ADGRL3: variants seen among roughly 807,000 people sequenced by gnomAD.
ADGRL3 encodes adhesion G protein-coupled receptor L3.
ADGRL3 carries 62 observed loss-of-function variants against 153.5 expected under a neutral mutation model. That is an observed-to-expected ratio of 0.40 (90% CI 0.33 to 0.50). The LOEUF (loss-of-function observed/expected upper bound fraction) is 0.50. Among genes scored for constraint, ADGRL3 ranks in the 20% least tolerant of loss-of-function variants. ADGRL3 has a pLI of 0.47. For missense variants in ADGRL3, 1,641 were observed against 1,859.4 expected (o/e 0.88, Z 2.16); for synonymous variants, 710 against 672.5 (o/e 1.06, Z -0.86).
At chr4:61,208,487 G>A (rs1377989556) in intron 1 of ADGRL3, among the ~76,000 whole-genome samples, 2 of 151,936 alleles carry the variant, frequency 1.3e-5, no homozygotes, top group African/African-American at 4.8e-5. Context: ...AGAGTCCTAG[G>A]AAACTTTAAT....
chr4:61,257,847 G>A (rs1230108779), intron 1 of ADGRL3, among the ~76,000 whole-genome samples: 2 of 152,002 alleles, frequency 1.3e-5, no homozygotes, highest in African/African-American at 4.8e-5. Context: ...GTGTGTGTGT[G>A]TGTGTGTGTG....
Position 61,921,397 on chromosome 4 carries a change from C to T in ADGRL3, c.2112+8640C>T, listed in dbSNP as rs1453766747. On this transcript the variant is annotated intron_variant, in intron 13 of 26. Transcript: ENST00000683033. ...TTTCTCTCCACAGACTTTCAGCAGT[C>T]CTTTTCCAAAGCGTGATCACTGTTA... Among the ~76,000 whole-genome samples, 4 of 152,186 alleles carry T rather than the reference C, an allele frequency of 2.6e-5. No individual in the cohort carries two copies. In the East Asian group the frequency reaches 7.8e-4, roughly 30 times the overall value.
intron 8 of ADGRL3, among the ~76,000 whole-genome samples, chr4:61,748,858 A>AT (rs1226908570): frequency 6.6e-6 from 1 of 150,994 alleles, no homozygotes; most frequent in Non-Finnish European, 1.5e-5. Context: ...AAATTGACAA[A>AT]TGGGATCTAA....
chr4:61,219,800 C>G (rs192801075), intron 1 of ADGRL3, among the ~76,000 whole-genome samples: 38 of 152,258 alleles, frequency 2.5e-4, no homozygotes, highest in African/African-American at 8.2e-4. Context: ...CTTCCTGTTT[C>G]AAACCTCTGA....
intron 5 of ADGRL3, among the ~76,000 whole-genome samples, chr4:61,642,562 T>G (rs2093733407): frequency 6.6e-6 from 1 of 152,056 alleles, no homozygotes; most frequent in South Asian, 2.1e-4. Context: ...CCCCATTGCT[T>G]GTTTTTGTCA....
intron 2 of ADGRL3, among the ~76,000 whole-genome samples, chr4:61,456,265 A>G (rs1255065108): frequency 6.7e-6 from 1 of 150,034 alleles, no homozygotes; most frequent in East Asian, 2.0e-4. Context: ...AGTAATAGTG[A>G]ACATATCTGT....
At chr4:61,568,045 T>C (rs1187208191) in intron 4 of ADGRL3, among the ~76,000 whole-genome samples, 4 of 152,172 alleles carry the variant, frequency 2.6e-5, no homozygotes, top group African/African-American at 7.2e-5. Context: ...TGTTGTGGTC[T>C]TTTCCCTTAT....
intron 13 of ADGRL3, among the ~76,000 whole-genome samples, chr4:61,926,694 G>A (rs1188220221): frequency 6.6e-6 from 1 of 152,050 alleles, no homozygotes; most frequent in Non-Finnish European, 1.5e-5. Context: ...TTCATATCAA[G>A]GTCTGGAATA....
At chr4:61,856,396 G>T (rs1371438602) in intron 9 of ADGRL3, among the ~76,000 whole-genome samples, 1 of 129,868 alleles carries the variant, frequency 7.7e-6, no homozygotes, top group African/African-American at 3.0e-5. Context: ...TTCCTTTCTT[G>T]GAACTTGGAA....
intron 2 of ADGRL3, among the ~76,000 whole-genome samples, chr4:61,386,539 AG>A (rs2096738372): frequency 1.3e-5 from 2 of 152,192 alleles, no homozygotes; most frequent in Admixed American, 1.3e-4. Flanking sequence ...TGGTCAATCT[AG>A]CAATTTACAA....
intron 21 of ADGRL3, among the ~76,000 whole-genome samples, chr4:61,999,373 AAAG>A (rs1406356489): frequency 6.6e-6 from 1 of 152,242 alleles, no homozygotes; most frequent in Non-Finnish European, 1.5e-5. Flanking sequence ...CATTTTCTGA[AAAG>A]AAAAATAGTT....
chr4:61,401,590 T>C (rs2096930776), intron 2 of ADGRL3, among the ~76,000 whole-genome samples: 1 of 152,042 alleles, frequency 6.6e-6, no homozygotes, highest in Non-Finnish European at 1.5e-5. Flanking sequence ...GTTTAAGTTT[T>C]GCTAAGTTTA....
chr4:61,701,327 A>G (rs1408262315), intron 6 of ADGRL3, among the ~76,000 whole-genome samples: 2 of 152,140 alleles, frequency 1.3e-5, no homozygotes, highest in Non-Finnish European at 2.9e-5. Flanking sequence ...GTTATATGGA[A>G]TATCAGCCAC....
chr4:61,547,607 T>C lies in ADGRL3; in HGVS notation c.259+30089T>C, dbSNP rs562017664. Among the ~76,000 whole-genome samples the C allele has an allele frequency of 2.0e-5, 3 of 152,212 alleles. No individual in the cohort carries two copies. The South Asian group carries it at 6.2e-4, about 32-fold the overall frequency. On this transcript the variant is annotated intron_variant, in intron 4 of 26. Coordinates refer to ENST00000683033, the MANE Select transcript of ADGRL3 (RefSeq NM_001387552.1). ...AACATGGTCTCATTCTTTTTATGGC[T>C]GCATAGTTTTCCATGGTGTATATGT...
At chr4:61,631,584 C>T (rs1218152862) in intron 5 of ADGRL3, among the ~76,000 whole-genome samples, 1 of 152,048 alleles carries the variant, frequency 6.6e-6, no homozygotes, top group African/African-American at 2.4e-5. Flanking sequence ...TGCTGAGTCT[C>T]TCCACCCTAT....
chr4:61,481,952 C>G (rs2098136230), intron 2 of ADGRL3, among the ~76,000 whole-genome samples: 1 of 151,814 alleles, frequency 6.6e-6, no homozygotes, highest in African/African-American at 2.4e-5. Flanking sequence ...ACGTTTTTTT[C>G]CTGAATGCTA....
chr4:62,004,566 G>A (rs2099151338), intron 21 of ADGRL3, among the ~76,000 whole-genome samples: 1 of 151,660 alleles, frequency 6.6e-6, no homozygotes, highest in Admixed American at 6.6e-5. Context: ...TTTTATTCAT[G>A]GTTTGTCTTT....
chr4:62,060,741 G>A (rs758315130), intron 25 of ADGRL3, among the ~76,000 whole-genome samples: 8 of 151,580 alleles, frequency 5.3e-5, no homozygotes, highest in African/African-American at 9.7e-5. Context: ...TGTCCAAAAG[G>A]CACCATGATG....
chr4:61,936,128 C>A, intron 15 of ADGRL3, 83 bp downstream of exon 15: 1 of 1,478,736 alleles, frequency 6.8e-7, no homozygotes, highest in Non-Finnish European at 9.3e-7. Flanking sequence ...ATTAGGTCCA[C>A]TATTTAGGAG....
Sources: allele counts gnomAD v4.1 joint callset (sites outside exome capture counted in the v4.1 genomes callset), GRCh38; gene constraint gnomAD v4.1.1; transcripts MANE v1.5; gene names NCBI Gene and HGNC (gene_info 2026-07-23, HGNC 2026-07-21).